The following GCC2 variants were observed in gnomAD, a reference collection of about 807,000 sequenced individuals.
GCC2 encodes GRIP and coiled-coil domain-containing protein 2.
In GCC2, 120 loss-of-function variants were observed where a neutral mutation model predicts 210.6. The ratio of observed to expected loss-of-function variants is 0.57; its 90% CI spans 0.49 to 0.66. The LOEUF (loss-of-function observed/expected upper bound fraction) is 0.66. Ranked by LOEUF, GCC2 falls within the 30% of genes least tolerant of loss-of-function variation. GCC2 has a pLI of 0.00. For missense variants in GCC2, 1,868 were observed against 1,871.9 expected (o/e 1.00, Z 0.04); for synonymous variants, 703 against 652.7 (o/e 1.08, Z -1.17).
intron 13 of GCC2, 51 bp downstream of exon 13, chr2:108,484,362 T>G (rs764765224): frequency 1.9e-6 from 2 of 1,061,432 alleles, no homozygotes; most frequent in Non-Finnish European, 2.7e-6. Context: ...TCATAACAAC[T>G]TGATTTGGTG....
chr2:108,471,479 A>T lies in GCC2; in HGVS notation c.2150A>T (p.Asp717Val). 1 of 1,610,346 alleles carries T rather than the reference A, an allele frequency of 6.2e-7. No individual in the cohort carries two copies. The highest frequency in any genetic ancestry group is 8.5e-7 in the Non-Finnish European group (1 of 1,178,718). The change falls in exon 6 of 23, where the codon GAT becomes GTT. Residue 717 changes from aspartate (D) to valine (V), a missense_variant. Around this residue, in one of 3 missense-constraint regions of GCC2, gnomAD observed 1,847 missense variants for 1,765.2 expected, o/e 1.05. Transcript: ENST00000309863. Reference sequence around the variant, plus strand: ...GAGGTTTTTTTGTCTCAAAAAGAAGATGTTATCCTTAAAGAACATATTACT... The same window carrying T: ...GAGGTTTTTTTGTCTCAAAAAGAAGTTGTTATCCTTAAAGAACATATTACT... The part of the protein sequence containing the change: ...DLEVFLSQKE[D>V]VILKEHITQL...
intron 4 of GCC2, among the ~76,000 whole-genome samples, chr2:108,468,510 TC>T (rs1681020472): frequency 6.6e-6 from 1 of 152,190 alleles, no homozygotes; most frequent in Admixed American, 6.5e-5. Context: ...CTCATTAATT[TC>T]CTCTTTAATT....
rs1381630523 is a variant in GCC2, at chr2:108,472,120, C to G, written c.2787+4C>G. 2 of 1,475,828 alleles carry G rather than the reference C, an allele frequency of 1.4e-6. No individual in the cohort carries two copies. Among genetic ancestry groups the G allele is most frequent in the Non-Finnish European group, 1.8e-6 (2 of 1,109,072 alleles). The allele number at this position is 1,475,828 out of a possible 1,614,324, so 91.4% of individuals were successfully genotyped here. On this transcript the variant is annotated splice_donor_region_variant and intron_variant, in intron 6 of 22. Coordinates refer to ENST00000309863, the MANE Select transcript of GCC2 (RefSeq NM_181453.4). ...AGCAGAGTTGATACTATTAAAGGTA[C>G]CATTCATTTGAATTCTATTGTTTCA...
intron 21 of GCC2, among the ~76,000 whole-genome samples, chr2:108,498,299 G>A (rs1175234173): frequency 1.4e-4 from 19 of 134,724 alleles, no homozygotes; most frequent in African/African-American, 3.6e-4. Flanking sequence ...AGGTTCAAGC[G>A]ATTCCCCTGC....
intron 6 of GCC2, 151 bp downstream of exon 6, chr2:108,472,267 C>A: frequency 2.1e-6 from 1 of 470,758 alleles, no homozygotes; most frequent in Non-Finnish European, 3.7e-6. Context: ...TTAGACATTT[C>A]CATGTTGTAT....
chr2:108,475,758 A>T lies in GCC2; in HGVS notation c.2968A>T (p.Thr990Ser). 1 of 1,598,208 alleles carries T rather than the reference A, an allele frequency of 6.3e-7. No individual in the cohort carries two copies. The highest frequency in any genetic ancestry group is 1.1e-5 in the South Asian group (1 of 88,404). The change falls in exon 9 of 23, where the codon ACT becomes TCT. Residue 990 changes from threonine to serine, a missense_variant. Around this residue, in one of 3 missense-constraint regions of GCC2, gnomAD observed 1,847 missense variants for 1,765.2 expected, o/e 1.05. Coordinates refer to ENST00000309863, the MANE Select transcript of GCC2 (RefSeq NM_181453.4). ...TTACTTGTGTTTAAAACAGACCCAG[A>T]CTGTGAAGGAAGAACTTGAATCTCT... ...ELDSSRKETQ[T>S]VKEELESLRS... is the part of the protein sequence containing the mutation.
chr2:108,467,669 G>C (rs1301234248), intron 4 of GCC2, among the ~76,000 whole-genome samples: 2 of 152,128 alleles, frequency 1.3e-5, no homozygotes, highest in African/African-American at 2.4e-5. Flanking sequence ...AGTAGTGATA[G>C]TGTACTAATG....
Position 108,449,263 on chromosome 2 carries a change from G to T in GCC2, c.-12G>T. ...CGGCGGCTGGTTGCGGGCCGGCGGCGGGCTGGCGGAGATGGAGGTAACTCA... is the reference window on the plus strand; with the variant it reads ...CGGCGGCTGGTTGCGGGCCGGCGGCTGGCTGGCGGAGATGGAGGTAACTCA... On this transcript the variant is annotated 5_prime_UTR_variant, in exon 1 of 23. Coordinates refer to ENST00000309863, the MANE Select transcript of GCC2 (RefSeq NM_181453.4). The T allele has an allele frequency of 3.2e-6, 5 of 1,549,238 alleles. No homozygotes were observed. The highest frequency in any genetic ancestry group is 2.6e-6 in the Non-Finnish European group (3 of 1,145,222).
chr2:108,449,773 C>A (rs1446440777), intron 2 of GCC2, 84 bp downstream of exon 2: 9 of 1,003,038 alleles, frequency 9.0e-6, no homozygotes, highest in Non-Finnish European at 1.4e-5. Context: ...AAGGGGGGGG[C>A]GCTGATTTTT....
intron 11 of GCC2, among the ~76,000 whole-genome samples, 191 bp from the exon 12 acceptor site, chr2:108,482,871 G>A (rs1401351456): frequency 2.0e-5 from 3 of 151,986 alleles, no homozygotes; most frequent in Non-Finnish European, 4.4e-5. Context: ...TAGTGGAGAC[G>A]GGGTTTCACT....
chr2:108,504,970 C>T (rs547340766), intron 22 of GCC2, among the ~76,000 whole-genome samples: 1 of 152,286 alleles, frequency 6.6e-6, no homozygotes, highest in South Asian at 2.1e-4. Flanking sequence ...CATACTCACA[C>T]TGTAAGTGCC....
chr2:108,463,446 G>A (rs2577612), intron 4 of GCC2, among the ~76,000 whole-genome samples: 92,349 of 151,978 alleles, frequency 0.61, 28,749 homozygotes, highest in East Asian at 0.96. Context: ...GCATAGGATC[G>A]GTATGACTTA....
Position 108,469,778 on chromosome 2 carries a change from C to G in GCC2, c.449C>G (p.Ala150Gly). ...CGTTCCAAATACAGTGAAGACAAAG[C>G]TAACTTACAAAAGCAGCTGGAAGAA... ...AVRSKYSEDK[A>G]NLQKQLEEAM... Residue 150 changes from alanine to glycine, a missense_variant, in exon 6 of 23, where the codon GCT (alanine) becomes GGT (glycine). Physicochemically the swap from Ala to Gly is moderately conservative, Grantham distance 60. Coordinates refer to ENST00000309863, the MANE Select transcript of GCC2 (RefSeq NM_181453.4). 1 of 1,613,778 alleles carries G rather than the reference C, an allele frequency of 6.2e-7. No homozygotes were observed.
At position 108,504,873 on chromosome 2, in the gene GCC2, G is replaced by GA. The variant is rs201009939; in HGVS notation, c.4985-2679dup. On this transcript the variant is annotated intron_variant, in intron 22 of 22. Coordinates refer to ENST00000309863, the MANE Select transcript of GCC2 (RefSeq NM_181453.4). ...AAACTCTCTACAAGTAAATAAAGAC[G>GA]AAAAAAAAGCCCAGCAACCCAATAG... Among the ~76,000 whole-genome samples the GA allele has an allele frequency of 4.1e-3, 616 of 151,796 alleles. 1 individual carries two copies. The highest frequency in any genetic ancestry group is 0.01 in the Middle Eastern group (3 of 294).
In GCC2 at chr2:108,493,324, G is replaced by A. The variant is rs1423860142; in HGVS notation, c.4447+534G>A. On this transcript the variant is annotated intron_variant, in intron 19 of 22. Transcript: ENST00000309863. ...AGGATAGTCTCGATCTCCTGACCTC[G>A]TGATCCACCCGCCTCGGCCTCCCAA... 2.2e-5 allele frequency: 16 copies of A among 712,090 alleles called. No homozygotes were observed. The East Asian group carries it at 3.8e-4, about 17-fold the overall frequency. The allele number at this position is 712,090 out of a possible 1,614,324, so 44.1% of individuals were successfully genotyped here. A position where few individuals can be genotyped will look rare whatever the true frequency, so the allele number is the denominator to read the frequency against.
At chr2:108,459,887 G>A (rs548257259) in intron 4 of GCC2, among the ~76,000 whole-genome samples, 5 of 151,156 alleles carry the variant, frequency 3.3e-5, no homozygotes, top group East Asian at 1.9e-4. Flanking sequence ...CGGAGATCAC[G>A]CCGCTGCCAG....
chr2:108,450,647 C>T (rs12468026), intron 2 of GCC2, among the ~76,000 whole-genome samples: 53,196 of 152,144 alleles, frequency 0.35, 11,432 homozygotes, highest in East Asian at 0.88. Context: ...TTTGGGAGGC[C>T]GAGGCGGGCA....
chr2:108,504,538 TG>T (rs1385533260), intron 22 of GCC2, among the ~76,000 whole-genome samples: 3 of 152,180 alleles, frequency 2.0e-5, no homozygotes, highest in Non-Finnish European at 2.9e-5. Flanking sequence ...AAATAGACAC[TG>T]GTAAGTATAG....
intron 22 of GCC2, among the ~76,000 whole-genome samples, chr2:108,502,421 A>G (rs1360783127): frequency 2.6e-5 from 4 of 152,224 alleles, no homozygotes; most frequent in African/African-American, 9.6e-5. Flanking sequence ...AAAGAATTTC[A>G]TAGAGGAGAT....
Sources: allele counts gnomAD v4.1 joint callset (sites outside exome capture counted in the v4.1 genomes callset), GRCh38; gene constraint gnomAD v4.1.1; regional missense constraint gnomAD v4.1.1; transcripts MANE v1.5; gene names NCBI Gene and HGNC (gene_info 2026-07-23, HGNC 2026-07-21).